GXYLT2: variants seen among roughly 807,000 people sequenced by gnomAD.
GXYLT2 encodes the protein glucoside xylosyltransferase 2, also known as glycosyltransferase 8 domain containing 4.
In GXYLT2, 53 loss-of-function variants were observed where a neutral mutation model predicts 45.8. That is an observed-to-expected ratio of 1.16 (90% CI 0.93 to 1.46). The LOEUF (loss-of-function observed/expected upper bound fraction) is 1.46. Ranked by LOEUF, GXYLT2 falls within the 40% of genes most tolerant of loss-of-function variation. GXYLT2 has a pLI of 0.00. For synonymous variants in GXYLT2, 219 were observed against 214.2 expected (o/e 1.02, Z -0.19); for missense variants, 551 against 544.4 (o/e 1.01, Z -0.12).
At chr3:72,970,984 A>G (rs1385524616) in intron 6 of GXYLT2, among the ~76,000 whole-genome samples, 1 of 152,242 alleles carries the variant, frequency 6.6e-6, no homozygotes, top group Non-Finnish European at 1.5e-5. Context: ...TGATTTAATT[A>G]TGCAGAAAAT....
intron 6 of GXYLT2, 34 bp downstream of exon 6, chr3:72,967,753 C>T (rs1206426628): frequency 6.3e-7 from 1 of 1,587,568 alleles, no homozygotes; most frequent in Non-Finnish European, 8.6e-7. Flanking sequence ...AGCAGATGTG[C>T]TTATCAGCAT....
chr3:72,911,264 T>C (rs1294820411), intron 2 of GXYLT2, among the ~76,000 whole-genome samples: 1 of 151,996 alleles, frequency 6.6e-6, no homozygotes, highest in African/African-American at 2.4e-5. Context: ...CACTCTAGCC[T>C]GGGCGACAGA....
At chr3:72,945,265 G>A (rs1409525060) in intron 3 of GXYLT2, among the ~76,000 whole-genome samples, 1 of 151,474 alleles carries the variant, frequency 6.6e-6, no homozygotes. Flanking sequence ...TCCAGCCTGG[G>A]CGACTGAGCA....
At chr3:72,915,560 G>C (rs1709724504) in intron 2 of GXYLT2, among the ~76,000 whole-genome samples, 1 of 151,990 alleles carries the variant, frequency 6.6e-6, no homozygotes. Flanking sequence ...AGGGAGCTGG[G>C]CGCGGGTGGC....
At chr3:72,945,454 G>A (rs1342314860) in intron 3 of GXYLT2, among the ~76,000 whole-genome samples, 1 of 152,168 alleles carries the variant, frequency 6.6e-6, no homozygotes, top group Non-Finnish European at 1.5e-5. Context: ...GAAGATCCCA[G>A]CCCTCAAGGG....
chr3:72,897,643 G>T (rs1325077912), intron 1 of GXYLT2, among the ~76,000 whole-genome samples: 2 of 152,230 alleles, frequency 1.3e-5, no homozygotes, highest in African/African-American at 4.8e-5. Flanking sequence ...ATGGATGCCA[G>T]TAAGAAACCC....
At chr3:72,920,993 G>T (rs1370492835) in intron 2 of GXYLT2, among the ~76,000 whole-genome samples, 6 of 151,460 alleles carry the variant, frequency 4.0e-5, no homozygotes, top group Non-Finnish European at 8.8e-5. Flanking sequence ...GCTAATTTTT[G>T]TATTTTTAGT....
chr3:72,951,348 G>A (rs6785758), intron 3 of GXYLT2, among the ~76,000 whole-genome samples: 35,277 of 152,104 alleles, frequency 0.23, 4,680 homozygotes, highest in South Asian at 0.36. Flanking sequence ...TGGTTGACAC[G>A]TGTTTTGAAG....
intron 1 of GXYLT2, among the ~76,000 whole-genome samples, chr3:72,892,579 C>T (rs1709202978): frequency 1.3e-5 from 2 of 152,182 alleles, no homozygotes; most frequent in Admixed American, 1.3e-4. Context: ...TTACACTTGG[C>T]AGCCTCCCCA....
At chr3:72,908,202 T>G in intron 1 of GXYLT2, 165 bp from the exon 2 acceptor site, 2 of 590,528 alleles carry the variant, frequency 3.4e-6, no homozygotes, top group Non-Finnish European at 5.9e-6. Context: ...AAATGGTATT[T>G]TTCTCTAAGC....
At chr3:72,929,280 G>A (rs1473857009) in intron 3 of GXYLT2, 67 of 1,347,296 alleles carry the variant, frequency 5.0e-5, no homozygotes, top group South Asian at 2.3e-4. Context: ...CGAGGTGGCC[G>A]AATCTTCCTT....
chr3:72,917,124 T>G (rs963640802), intron 2 of GXYLT2, among the ~76,000 whole-genome samples: 3 of 152,146 alleles, frequency 2.0e-5, no homozygotes, highest in Non-Finnish European at 4.4e-5. Context: ...TTTGTTTTTT[T>G]GAGACAGGGT....
chr3:72,949,774 A>G lies in GXYLT2; in HGVS notation c.601-5324A>G, dbSNP rs563932440. On this transcript the variant is annotated intron_variant, in intron 3 of 6. Coordinates refer to ENST00000389617, the MANE Select transcript of GXYLT2 (RefSeq NM_001080393.2). ...ATGATCCGCTCGCCTTAGCCTCCCA[A>G]AGTGCTGGGACTACAGGTGTGAGCC... Among the ~76,000 whole-genome samples the G allele has an allele frequency of 1.1e-4, 16 of 151,678 alleles. 2 individuals are homozygous for G. The highest frequency in any genetic ancestry group is 4.2e-4 in the South Asian group (2 of 4,808).
At chr3:72,924,109 A>G (rs1709877932) in intron 3 of GXYLT2, among the ~76,000 whole-genome samples, 1 of 152,162 alleles carries the variant, frequency 6.6e-6, no homozygotes, top group Non-Finnish European at 1.5e-5. Context: ...ACCAAAAAAT[A>G]GAAAGTGAGA....
chr3:72,912,714 A>T (rs544086256), intron 2 of GXYLT2, among the ~76,000 whole-genome samples: 5 of 152,330 alleles, frequency 3.3e-5, no homozygotes, highest in Non-Finnish European at 7.4e-5. Flanking sequence ...CATGTGAGTG[A>T]ATAAGCTTTC....
chr3:72,939,008 C>T lies in GXYLT2; in HGVS notation c.601-16090C>T, dbSNP rs370766997. ...TGGTACACCCTGCTCTTTGTTAGAA[C>T]GTCACAAAAATGAATATGTAAGTTA... On this transcript the variant is annotated intron_variant, in intron 3 of 6. Transcript: ENST00000389617. Among the ~76,000 whole-genome samples, 6 of 152,218 alleles carry T rather than the reference C, an allele frequency of 3.9e-5. No individual in the cohort carries two copies. The East Asian group carries it at 5.8e-4, about 15-fold the overall frequency.
intron 3 of GXYLT2, chr3:72,929,059 C>T (rs1367576900): frequency 6.3e-7 from 1 of 1,583,386 alleles, no homozygotes; most frequent in Non-Finnish European, 8.6e-7. Context: ...CCGCGTCCAC[C>T]TCGCAGGTGC....
intron 1 of GXYLT2, among the ~76,000 whole-genome samples, chr3:72,905,117 T>G: frequency 6.8e-6 from 1 of 147,138 alleles, no homozygotes; most frequent in East Asian, 2.0e-4. Context: ...AAATAACCAC[T>G]GTCCTGCATT....
intron 2 of GXYLT2, among the ~76,000 whole-genome samples, chr3:72,921,895 T>C (rs1411337517): frequency 6.6e-6 from 1 of 152,258 alleles, no homozygotes; most frequent in Non-Finnish European, 1.5e-5. Flanking sequence ...GTGAATGTCC[T>C]TGTACCTCTG....
Sources: allele counts gnomAD v4.1 joint callset (sites outside exome capture counted in the v4.1 genomes callset), GRCh38; gene constraint gnomAD v4.1.1; transcripts MANE v1.5; gene names NCBI Gene and HGNC (gene_info 2026-07-23, HGNC 2026-07-21).